The following IGF1R variants were observed in gnomAD, a reference collection of about 807,000 sequenced individuals.
IGF1R encodes insulin-like growth factor 1 receptor.
A neutral mutation model predicts 144.6 loss-of-function variants in IGF1R; 44 were observed. That is an observed-to-expected ratio of 0.30 (90% CI 0.24 to 0.39). The LOEUF is 0.39. Ranked by LOEUF, IGF1R falls within the 10% of genes least tolerant of loss-of-function variation. IGF1R has a pLI of 1.00. For missense variants in IGF1R, 1,355 were observed against 1,833.7 expected (o/e 0.74, Z 4.77); for synonymous variants, 795 against 722.8 (o/e 1.10, Z -1.60).
intron 1 of IGF1R, among the ~76,000 whole-genome samples, chr15:98,653,032 G>GTCTC (rs960342707): frequency 6.6e-6 from 1 of 150,524 alleles, no homozygotes; most frequent in Non-Finnish European, 1.5e-5. Context: ...ACAGGCTGAT[G>GTCTC]TCTCTCTCTC....
intron 1 of IGF1R, among the ~76,000 whole-genome samples, chr15:98,685,214 G>T (rs990571547): frequency 2.0e-5 from 3 of 152,072 alleles, no homozygotes; most frequent in Admixed American, 6.6e-5. Flanking sequence ...CAAAGTTCTG[G>T]GATTACAGGC....
chr15:98,873,964 A>G (rs1025759560), intron 2 of IGF1R: 2 of 152,196 alleles, frequency 1.3e-5, no homozygotes, highest in African/African-American at 2.4e-5. Context: ...ACTGCTGCCT[A>G]CCACACCTCG....
At chr15:98,722,187 C>T (rs2054261634) in intron 2 of IGF1R, among the ~76,000 whole-genome samples, 1 of 152,144 alleles carries the variant, frequency 6.6e-6, no homozygotes, top group Non-Finnish European at 1.5e-5. Flanking sequence ...AAGATAAAAA[C>T]ACTTGACATT....
chr15:98,818,838 G>A (rs1007070897), intron 2 of IGF1R, among the ~76,000 whole-genome samples: 2 of 149,534 alleles, frequency 1.3e-5, no homozygotes, highest in Non-Finnish European at 1.5e-5. Flanking sequence ...ATTGTACCCT[G>A]TTGAGAACCA....
At chr15:98,701,115 T>C (rs999524829) in intron 1 of IGF1R, among the ~76,000 whole-genome samples, 1 of 152,024 alleles carries the variant, frequency 6.6e-6, no homozygotes, top group Non-Finnish European at 1.5e-5. Context: ...AGTAAAGAAC[T>C]ACTATAGTAT....
chr15:98,758,738 C>A (rs1169294621), intron 2 of IGF1R, among the ~76,000 whole-genome samples: 2 of 152,250 alleles, frequency 1.3e-5, no homozygotes, highest in African/African-American at 4.8e-5. Context: ...AGAAGGCCCT[C>A]ACTCTCATCC....
At chr15:98,885,333 T>C (rs1041467798) in intron 2 of IGF1R, among the ~76,000 whole-genome samples, 1 of 152,248 alleles carries the variant, frequency 6.6e-6, no homozygotes, top group Non-Finnish European at 1.5e-5. Flanking sequence ...GGTGGACTTC[T>C]GTTCGGCCTG....
intron 2 of IGF1R, among the ~76,000 whole-genome samples, chr15:98,888,930 C>G (rs1195216166): frequency 6.6e-6 from 1 of 152,154 alleles, no homozygotes; most frequent in Admixed American, 6.5e-5. Flanking sequence ...CCTTGTGGTC[C>G]AAGGTTGGTA....
chr15:98,779,055 C>T (rs2055789648), intron 2 of IGF1R, among the ~76,000 whole-genome samples: 1 of 152,224 alleles, frequency 6.6e-6, no homozygotes, highest in Non-Finnish European at 1.5e-5. Flanking sequence ...ACTAGCATCA[C>T]TGTCAGATAA....
At chr15:98,762,440 T>A (rs576139323) in intron 2 of IGF1R, among the ~76,000 whole-genome samples, 5 of 152,298 alleles carry the variant, frequency 3.3e-5, no homozygotes, top group African/African-American at 1.2e-4. Flanking sequence ...AAAATACATA[T>A]ATTCCGGCCA....
chr15:98,807,406 G>A (rs2056494049), intron 2 of IGF1R, among the ~76,000 whole-genome samples: 1 of 152,212 alleles, frequency 6.6e-6, no homozygotes, highest in Non-Finnish European at 1.5e-5. Flanking sequence ...AACTTTCCTT[G>A]TTGTGCAACA....
At chr15:98,830,404 G>A (rs1373765391) in intron 2 of IGF1R, among the ~76,000 whole-genome samples, 2 of 152,180 alleles carry the variant, frequency 1.3e-5, no homozygotes, top group Non-Finnish European at 2.9e-5. Context: ...CAGGGTGTGT[G>A]AAAAACAAAC....
At chr15:98,854,944 C>CG (rs1162119482) in intron 2 of IGF1R, among the ~76,000 whole-genome samples, 1 of 152,050 alleles carries the variant, frequency 6.6e-6, no homozygotes, top group East Asian at 1.9e-4. Flanking sequence ...CACCCCTGCC[C>CG]CCCCCAACAC....
At chr15:98,809,674 A>G (rs1455195665) in intron 2 of IGF1R, among the ~76,000 whole-genome samples, 1 of 152,196 alleles carries the variant, frequency 6.6e-6, no homozygotes, top group Admixed American at 6.5e-5. Context: ...GAATACTTCA[A>G]GAAAATGTTT....
intron 2 of IGF1R, among the ~76,000 whole-genome samples, chr15:98,765,533 A>G (rs1387095522): frequency 1.3e-5 from 2 of 151,630 alleles, no homozygotes; most frequent in African/African-American, 4.9e-5. Context: ...CATGTTGGCC[A>G]GGCTCGTCTC....
At chr15:98,837,565 A>G (rs938322638) in intron 2 of IGF1R, among the ~76,000 whole-genome samples, 23 of 151,880 alleles carry the variant, frequency 1.5e-4, no homozygotes, top group African/African-American at 5.1e-4. Flanking sequence ...GAAACTCACT[A>G]TGTTGCCCAG....
intron 2 of IGF1R, among the ~76,000 whole-genome samples, chr15:98,734,105 G>A (rs1226356073): frequency 6.6e-6 from 1 of 152,168 alleles, no homozygotes. Context: ...ATCAAAACTA[G>A]ATGATTATTT....
At chr15:98,760,784 C>T (rs1401830788) in intron 2 of IGF1R, among the ~76,000 whole-genome samples, 3 of 152,132 alleles carry the variant, frequency 2.0e-5, no homozygotes, top group Non-Finnish European at 4.4e-5. Context: ...AAGTCACTGT[C>T]CAATTTGGAG....
chr15:98,861,262 GC>G (rs1344804610), intron 2 of IGF1R, among the ~76,000 whole-genome samples: 1 of 152,146 alleles, frequency 6.6e-6, no homozygotes, highest in Non-Finnish European at 1.5e-5. Context: ...TTTTAGAAGG[GC>G]CTCCTTACAC....
Sources: allele counts gnomAD v4.1 joint callset (sites outside exome capture counted in the v4.1 genomes callset), GRCh38; gene constraint gnomAD v4.1.1; transcripts MANE v1.5; gene names NCBI Gene and HGNC (gene_info 2026-07-23, HGNC 2026-07-21).